GABRG2: variants seen among roughly 807,000 people sequenced by gnomAD.
The protein encoded by GABRG2 is gamma-aminobutyric acid receptor subunit gamma-2.
GABRG2 carries 16 observed loss-of-function variants against 56.4 expected under a neutral mutation model. The ratio of observed to expected loss-of-function variants is 0.28; its 90% CI spans 0.19 to 0.43. The LOEUF (loss-of-function observed/expected upper bound fraction) is 0.43, where lower values mean the gene tolerates loss of function less well. GABRG2 is among the 20% of genes least tolerant of loss of function. The pLI is 1.00. For synonymous variants in GABRG2, 208 were observed against 205.5 expected (o/e 1.01, Z -0.10); for missense variants, 327 against 582.7 (o/e 0.56, Z 4.52).
chr5:162,102,090 G>C (rs10069323), intron 5 of GABRG2: 6,818 of 158,522 alleles, frequency 0.043, 547 homozygotes, highest in African/African-American at 0.15. Context: ...CAACCAGGGA[G>C]TCCACCAAGT....
chr5:162,086,454 T>G (rs1263881495), intron 1 of GABRG2, among the ~76,000 whole-genome samples: 2 of 152,042 alleles, frequency 1.3e-5, no homozygotes, highest in Non-Finnish European at 2.9e-5. Context: ...TTATGAAGTA[T>G]TAATGTTATA....
At chr5:162,140,310 C>T (rs1291039020) in intron 6 of GABRG2, among the ~76,000 whole-genome samples, 2 of 152,126 alleles carry the variant, frequency 1.3e-5, no homozygotes, top group East Asian at 3.9e-4. Flanking sequence ...TAACTGTATG[C>T]CAATCTAACA....
rs1265973598 is a variant in GABRG2 at position 162,101,242 on chromosome 5, A to G, written c.556A>G (p.Ile186Val). ...TAATATCTTTCTACTTAGGTTGACA[A>G]TTGATGCTGAGTGCCAATTACAATT... ...GRVLYTLRLT[I>V]DAECQLQLHN... Residue 186 changes from isoleucine (I) to valine (V), a missense_variant, in exon 5 of 10, where the codon ATT (isoleucine) becomes GTT (valine). Around this residue, in one of 4 missense-constraint regions of GABRG2, gnomAD observed 104 missense variants for 209.3 expected, o/e 0.50. Transcript: ENST00000639213. 1.9e-6 allele frequency: 3 copies of G among 1,604,310 alleles called. No individual in the cohort carries two copies. Among genetic ancestry groups the G allele is most frequent in the Non-Finnish European group, 8.5e-7 (1 of 1,171,512 alleles).
chr5:162,076,752 G>A (rs1242376685), intron 1 of GABRG2, among the ~76,000 whole-genome samples: 1 of 152,116 alleles, frequency 6.6e-6, no homozygotes, highest in Non-Finnish European at 1.5e-5. Context: ...GGAATCTGGA[G>A]AGTAATGAGG....
intron 6 of GABRG2, among the ~76,000 whole-genome samples, chr5:162,118,706 A>T (rs1192135527): frequency 6.6e-6 from 1 of 152,126 alleles, no homozygotes; most frequent in Non-Finnish European, 1.5e-5. Flanking sequence ...ATTGTGACTC[A>T]AGTTCCTACT....
chr5:162,073,514 A>G (rs1758839936), intron 1 of GABRG2, among the ~76,000 whole-genome samples: 3 of 152,056 alleles, frequency 2.0e-5, no homozygotes, highest in Admixed American at 1.3e-4. Context: ...TCTTACAAAA[A>G]TTCTTAGAAA....
chr5:162,117,925 T>C (rs1762729545), intron 6 of GABRG2, among the ~76,000 whole-genome samples: 1 of 152,144 alleles, frequency 6.6e-6, no homozygotes, highest in Non-Finnish European at 1.5e-5. Flanking sequence ...CAACTTTTGT[T>C]GAGCATTTCA....
In GABRG2 at chr5:162,097,669, C is replaced by T. The variant is rs1194128280; in HGVS notation, c.359C>T (p.Thr120Met). Reference sequence around the variant, plus strand: ...ACTATTGATATATTTTTTGCGCAAACGTGGTATGACAGACGTTTGAAATTT... The same window carrying T: ...ACTATTGATATATTTTTTGCGCAAATGTGGTATGACAGACGTTTGAAATTT... ...EYTIDIFFAQ[T>M]WYDRRLKFNS... Residue 120 changes from threonine to methionine, a missense_variant, in exon 4 of 10, where the codon ACG becomes ATG. This residue lies in a region of GABRG2 where 104 missense variants were observed against 209.3 expected (regional missense o/e 0.50). Transcript: ENST00000639213. 6 of 1,613,224 alleles carry T rather than the reference C, an allele frequency of 3.7e-6. No homozygotes were observed. The highest frequency in any genetic ancestry group is 2.7e-5 in the African/African-American group (2 of 74,830).
At chr5:162,139,026 G>C (rs1006880174) in intron 6 of GABRG2, among the ~76,000 whole-genome samples, 8 of 151,560 alleles carry the variant, frequency 5.3e-5, no homozygotes, top group African/African-American at 1.9e-4. Context: ...AAAAAAACCT[G>C]CCATTGATAG....
In GABRG2 at chr5:162,100,927, C is replaced by T. The variant is rs151067266; in HGVS notation, c.549-308C>T. Among the ~76,000 whole-genome samples the T allele has an allele frequency of 2.6e-4, 40 of 152,248 alleles. No individual in the cohort carries two copies. In the East Asian group the frequency reaches 4.8e-3, roughly 18 times the overall value. Reference sequence around the variant, plus strand: ...GGCTCTGTTAAATATATTCACTGAGCGGTTTCACTTGAGCAATTAATTTGC... The same window carrying T: ...GGCTCTGTTAAATATATTCACTGAGTGGTTTCACTTGAGCAATTAATTTGC... On this transcript the variant is annotated intron_variant, in intron 4 of 9. Transcript: ENST00000639213.
chr5:162,078,384 TATATA>T (rs1561636157), intron 1 of GABRG2, among the ~76,000 whole-genome samples: 43 of 35,442 alleles, frequency 1.2e-3, no homozygotes, highest in Non-Finnish European at 2.2e-3. Context: ...TATATATATA[TATATA>T]TATATATATT....
chr5:162,135,510 A>G (rs1164740101), intron 6 of GABRG2, among the ~76,000 whole-genome samples: 1 of 152,200 alleles, frequency 6.6e-6, no homozygotes, highest in African/African-American at 2.4e-5. Context: ...AGAATAAAAT[A>G]GTGAGCAAAA....
At chr5:162,148,593 C>G (rs1297764500) in intron 7 of GABRG2, among the ~76,000 whole-genome samples, 1 of 152,098 alleles carries the variant, frequency 6.6e-6, no homozygotes, top group Non-Finnish European at 1.5e-5. Context: ...TAATTTTAAT[C>G]CCCTTGTCCC....
At chr5:162,069,418 T>C (rs1758493040) in intron 1 of GABRG2, among the ~76,000 whole-genome samples, 2 of 152,164 alleles carry the variant, frequency 1.3e-5, no homozygotes, top group African/African-American at 2.4e-5. Flanking sequence ...TCTTACATGG[T>C]AGTTGTAACA....
Position 162,106,061 on chromosome 5 carries a change from A to G in GABRG2, c.769+2035A>G, listed in dbSNP as rs754814723. On this transcript the variant is annotated intron_variant, in intron 6 of 9. Transcript: ENST00000639213. Reference sequence around the variant, plus strand: ...GGGTTGATTTTACATCACAGAGCCCAACATTACCACCTCCCCAATGTCTCG... The same window carrying G: ...GGGTTGATTTTACATCACAGAGCCCGACATTACCACCTCCCCAATGTCTCG... Among the ~76,000 whole-genome samples the G allele has an allele frequency of 5.4e-4, 82 of 152,204 alleles. 1 individual carries two copies. The highest frequency in any genetic ancestry group is 6.8e-3 in the Middle Eastern group (2 of 294).
At chr5:162,088,920 G>A (rs926675235) in intron 1 of GABRG2, among the ~76,000 whole-genome samples, 2 of 152,046 alleles carry the variant, frequency 1.3e-5, no homozygotes, top group Non-Finnish European at 2.9e-5. Flanking sequence ...AGGAAAACTG[G>A]TGAGCAAAAA....
chr5:162,077,855 C>T (rs1463990495), intron 1 of GABRG2, among the ~76,000 whole-genome samples: 5 of 151,928 alleles, frequency 3.3e-5, no homozygotes, highest in East Asian at 1.9e-4. Flanking sequence ...AGGAAGTTCC[C>T]GTTTCTTGTC....
At chr5:162,094,692 G>A (rs1365967280) in intron 2 of GABRG2, 1 of 152,420 alleles carries the variant, frequency 6.6e-6, no homozygotes, top group Non-Finnish European at 1.5e-5. Flanking sequence ...AGGCAAGGAT[G>A]TGAATGCCGG....
At chr5:162,082,596 T>C (rs1203652150) in intron 1 of GABRG2, among the ~76,000 whole-genome samples, 19 of 151,710 alleles carry the variant, frequency 1.3e-4, no homozygotes, top group Admixed American at 1.3e-3. Flanking sequence ...ATGGAACTTT[T>C]TTAAAAAAGT....
Sources: allele counts gnomAD v4.1 joint callset (sites outside exome capture counted in the v4.1 genomes callset), GRCh38; gene constraint gnomAD v4.1.1; regional missense constraint gnomAD v4.1.1; transcripts MANE v1.5; gene names NCBI Gene and HGNC (gene_info 2026-07-23, HGNC 2026-07-21).